Variants in GLRA2 observed in about 807,000 individuals in gnomAD.
GLRA2 encodes the protein glycine receptor subunit alpha-2.
Under a neutral mutation model 31.6 loss-of-function variants are expected in GLRA2, and 11 were observed. The observed-to-expected ratio is 0.35, with a 90% confidence interval of 0.22 to 0.58. The LOEUF (loss-of-function observed/expected upper bound fraction) is 0.58, where lower values mean the gene tolerates loss of function less well. GLRA2 is among the 20% of genes least tolerant of loss of function. GLRA2 has a pLI of 0.84. For missense variants in GLRA2, 212 were observed against 351.8 expected, an observed-to-expected ratio of 0.60 and a Z score of 3.18; for synonymous variants, 132 against 134.0, an observed-to-expected ratio of 0.99 and a Z score of 0.10.
At chrX:14,695,330 T>C (rs1401800577) in intron 8 of GLRA2, among the ~76,000 whole-genome samples, 1 of 111,368 alleles carries the variant, frequency 9.0e-6, no homozygotes, top group African/African-American at 3.3e-5. Context: ...TGTGTGCTCA[T>C]GGGGGGATAT....
chrX:14,610,374 C>A (rs1396098110), intron 7 of GLRA2, among the ~76,000 whole-genome samples: 3 of 111,396 alleles, frequency 2.7e-5, no homozygotes, highest in Non-Finnish European at 5.7e-5. Flanking sequence ...AAGTCCCATG[C>A]CTCCAAAGAT....
At chrX:14,673,816 G>A (rs889413146) in intron 7 of GLRA2, among the ~76,000 whole-genome samples, 2 of 112,351 alleles carry the variant, frequency 1.8e-5, no homozygotes, top group African/African-American at 6.5e-5. Context: ...TGAAGATTGC[G>A]GTTATCTGCC....
rs1302595353 is a variant in GLRA2 at position 14,703,657 on chromosome X, T to C, written c.1080+12798T>C. ...CCACTGCAACTCTGAGAGCATCCGT[T>C]GGGCACTGTAGCATGCTCCATGCAC... is the stretch of plus-strand genomic sequence containing the variant. On this transcript the variant is annotated intron_variant, in intron 8 of 8. Transcript: ENST00000218075. Among the ~76,000 whole-genome samples the C allele has an allele frequency of 8.9e-5, 10 of 111,740 alleles. No homozygotes were observed. The South Asian group carries it at 3.7e-3, about 42-fold the overall frequency.
the GLRA2 span, among the ~76,000 whole-genome samples, chrX:14,498,024 T>C: frequency 9.0e-6 from 1 of 111,582 alleles, no homozygotes; most frequent in African/African-American, 3.3e-5. Context: ...AGATGTTATT[T>C]TCATTTCTTC....
intron 2 of GLRA2, among the ~76,000 whole-genome samples, chrX:14,554,761 A>T (rs903076268): frequency 8.9e-6 from 1 of 112,071 alleles, no homozygotes; most frequent in Non-Finnish European, 1.9e-5. Context: ...ATCTATAGAT[A>T]AAAATATTGA....
chrX:14,604,429 T>C (rs1204331955), intron 5 of GLRA2, 32 bp downstream of exon 5: 1 of 875,007 alleles, frequency 1.1e-6, no homozygotes, highest in Non-Finnish European at 1.7e-6. Flanking sequence ...GACTCCCTGC[T>C]TGTTTTAACC....
intron 4 of GLRA2, among the ~76,000 whole-genome samples, chrX:14,601,026 C>A (rs1164035920): frequency 9.4e-5 from 10 of 106,596 alleles, no homozygotes; most frequent in African/African-American, 3.0e-4. Context: ...TGTTTGTTTA[C>A]TTTTTTTTGG....
At chrX:14,485,057 T>C in the GLRA2 span, among the ~76,000 whole-genome samples, 1 of 112,434 alleles carries the variant, frequency 8.9e-6, no homozygotes, top group Non-Finnish European at 1.9e-5. Context: ...TACTTTTGTT[T>C]ACTCTGATTA....
chrX:14,542,646 G>A (rs748030982), intron 2 of GLRA2, among the ~76,000 whole-genome samples: 1 of 110,196 alleles, frequency 9.1e-6, no homozygotes, highest in Non-Finnish European at 1.9e-5. Context: ...AAAAAACCCT[G>A]TGGCAGTTAG....
intron 7 of GLRA2, among the ~76,000 whole-genome samples, chrX:14,670,585 C>T (rs542675766): frequency 9.0e-6 from 1 of 111,380 alleles, no homozygotes; most frequent in South Asian, 3.8e-4. Context: ...CAAAAGAGAG[C>T]TTGTGCAGAG....
intron 3 of GLRA2, among the ~76,000 whole-genome samples, chrX:14,578,731 G>C (rs111260069): frequency 2.7e-5 from 3 of 111,919 alleles, no homozygotes; most frequent in African/African-American, 9.7e-5. Context: ...ATAAAGGCAT[G>C]GTTTGAGAAT....
Position 14,609,061 on chromosome X carries a change from C to A in GLRA2, c.786C>A (p.Tyr262Ter). ...TGGGATATTATTTGATCCAGATGTACATCCCAAGCCTGCTTATAGTAATTT... is the reference window on the plus strand; with the variant it reads ...TGGGATATTATTTGATCCAGATGTAAATCCCAAGCCTGCTTATAGTAATTT... The part of the protein sequence containing the change: ...RQMGYYLIQM[Y>*]IPSLLIVILS... The change falls in exon 7 of 9, where the codon TAC (tyrosine) becomes TAA (stop). Residue 262 changes from tyrosine (Y) to a stop codon, truncating the protein, a stop_gained. Transcript: ENST00000218075. LOFTEE classifies it high-confidence loss of function. The A allele has an allele frequency of 8.5e-7, 1 of 1,178,969 alleles. No homozygotes were observed. The highest frequency in any genetic ancestry group is 1.2e-6 in the Non-Finnish European group (1 of 866,019).
At chrX:14,462,253 T>C in the GLRA2 span, among the ~76,000 whole-genome samples, 71 of 111,859 alleles carry the variant, frequency 6.3e-4, no homozygotes, top group Middle Eastern at 9.3e-3. Context: ...GTGGGTAACC[T>C]GACCTTTCTC....
chrX:14,553,884 G>T lies in GLRA2; in HGVS notation c.203-20449G>T, dbSNP rs182779615. ...CTTCATTTGCCATCAGAAAATAATG[G>T]ACTTATTAACACACCTTTTATTGTT... is the stretch of plus-strand genomic sequence containing the variant. On this transcript the variant is annotated intron_variant, in intron 2 of 8. Transcript: ENST00000218075. Among the ~76,000 whole-genome samples, 8 of 111,594 alleles carry T rather than the reference G, an allele frequency of 7.2e-5. 1 individual carries two copies. The highest frequency in any genetic ancestry group is 2.0e-4 in the African/African-American group (6 of 30,766).
intron 2 of GLRA2, among the ~76,000 whole-genome samples, chrX:14,533,096 AAAAG>A (rs2089279108): frequency 1.8e-5 from 2 of 111,274 alleles, no homozygotes; most frequent in Admixed American, 9.6e-5. Context: ...GAATCAGAAA[AAAAG>A]AATAAGAATC....
chrX:14,647,824 G>T (rs758006726), intron 7 of GLRA2, among the ~76,000 whole-genome samples: 81 of 112,188 alleles, frequency 7.2e-4, no homozygotes, highest in Non-Finnish European at 1.1e-3. Flanking sequence ...TAGCTTGAAT[G>T]AATGTAAAAA....
At chrX:14,724,344 A>T (rs2091901734) in intron 8 of GLRA2, among the ~76,000 whole-genome samples, 1 of 110,771 alleles carries the variant, frequency 9.0e-6, no homozygotes, top group Admixed American at 9.7e-5. Flanking sequence ...GTGAGAAATA[A>T]GCCAGGCATG....
At chrX:14,683,257 A>T (rs2091236219) in intron 7 of GLRA2, among the ~76,000 whole-genome samples, 1 of 111,716 alleles carries the variant, frequency 9.0e-6, no homozygotes, top group South Asian at 3.8e-4. Flanking sequence ...CTGGTGTGAG[A>T]TGGTATCTCA....
chrX:14,671,598 T>C (rs1020661833), intron 7 of GLRA2, among the ~76,000 whole-genome samples: 1 of 111,741 alleles, frequency 8.9e-6, no homozygotes, highest in African/African-American at 3.3e-5. Flanking sequence ...GGTTGAGGAC[T>C]GCCCCTGGTA....
Sources: gnomAD v4.1 joint callset for allele counts (sites outside exome capture counted in the v4.1 genomes callset) on GRCh38, gnomAD v4.1.1 for gene constraint, MANE v1.5 for transcripts, NCBI Gene and HGNC (gene_info 2026-07-23, HGNC 2026-07-21) for gene names.